The following CSMD1 variants were observed in gnomAD, a reference collection of about 807,000 sequenced individuals.
CSMD1 encodes the protein CUB and Sushi multiple domains 1.
A neutral mutation model predicts 417.5 loss-of-function variants in CSMD1; 213 were observed. The observed-to-expected ratio is 0.51, with a 90% CI of 0.46 to 0.57. CSMD1 has a LOEUF of 0.57. Ranked by LOEUF, CSMD1 falls within the 20% of genes least tolerant of loss-of-function variation. The pLI is 0.00. For missense variants in CSMD1, 6,923 were observed against 4,529.7 expected (o/e 1.53, Z -15.17); for synonymous variants, 2,862 against 1,736.8 (o/e 1.65, Z -16.11).
At chr8:4,045,479 C>A (rs1011246155) in intron 3 of CSMD1, among the ~76,000 whole-genome samples, 2 of 152,200 alleles carry the variant, frequency 1.3e-5, no homozygotes, top group Non-Finnish European at 1.5e-5. Flanking sequence ...GGGGTCAGAA[C>A]ACTGTCCCCA....
intron 2 of CSMD1, among the ~76,000 whole-genome samples, chr8:4,589,038 C>T (rs977067043): frequency 6.6e-6 from 1 of 151,932 alleles, no homozygotes; most frequent in African/African-American, 2.4e-5. Flanking sequence ...ACTACATGCA[C>T]ATTATATAAT....
At chr8:3,455,313 A>G (rs1185345282) in intron 12 of CSMD1, among the ~76,000 whole-genome samples, 2 of 152,086 alleles carry the variant, frequency 1.3e-5, no homozygotes, top group Non-Finnish European at 2.9e-5. Flanking sequence ...CTCTCAACTC[A>G]TCAAAGTCAT....
chr8:4,279,031 C>G (rs1237071385), intron 3 of CSMD1, among the ~76,000 whole-genome samples: 1 of 152,126 alleles, frequency 6.6e-6, no homozygotes, highest in East Asian at 1.9e-4. Context: ...GAGCTATGGA[C>G]ACATTACTTT....
At position 3,230,195 on chromosome 8, in the gene CSMD1, G is replaced by C; in HGVS notation, c.4190C>G (p.Pro1397Arg). 1 of 1,609,346 alleles carries C rather than the reference G, an allele frequency of 6.2e-7. No individual in the cohort carries two copies. Among genetic ancestry groups the C allele is most frequent in the Non-Finnish European group, 8.5e-7 (1 of 1,177,604 alleles). ...IAATCNDPGM[P>R]QNGTRYGDSR... ...GTCTCCATAGCGGGTGCCATTTTGG[G>C]GCATACCTGGATCGTTACAGGTGGC... Residue 1397 changes from proline to arginine, a missense_variant, in exon 27 of 70, where the codon CCC becomes CGC. Transcript: ENST00000635120.
At chr8:3,614,976 G>A (rs1034082642) in intron 8 of CSMD1, among the ~76,000 whole-genome samples, 4 of 152,172 alleles carry the variant, frequency 2.6e-5, no homozygotes, top group Non-Finnish European at 5.9e-5. Flanking sequence ...GTTGACACAA[G>A]GAAGGAATAC....
chr8:3,436,036 A>C (rs1277533570), intron 12 of CSMD1, among the ~76,000 whole-genome samples: 1 of 151,668 alleles, frequency 6.6e-6, no homozygotes, highest in Non-Finnish European at 1.5e-5. Flanking sequence ...GCAGCTCCCC[A>C]CTCCCTTCAC....
intron 2 of CSMD1, among the ~76,000 whole-genome samples, chr8:4,469,134 G>A (rs55876256): frequency 2.0e-3 from 300 of 152,242 alleles, no homozygotes; most frequent in Admixed American, 3.2e-3. Context: ...TCTTTTGGTA[G>A]GAAAATGGAA....
intron 61 of CSMD1, among the ~76,000 whole-genome samples, chr8:2,961,942 T>A (rs1471963554): frequency 1.3e-5 from 2 of 152,252 alleles, no homozygotes; most frequent in Non-Finnish European, 2.9e-5. Flanking sequence ...AATATTTCTT[T>A]AATACTATAT....
At chr8:4,455,060 C>G (rs75806902) in intron 2 of CSMD1, among the ~76,000 whole-genome samples, 16,915 of 152,096 alleles carry the variant, frequency 0.11, 1,187 homozygotes, top group South Asian at 0.21. Flanking sequence ...CATGTTTAGG[C>G]TGGGAAACTT....
chr8:4,083,268 C>A (rs961102006), intron 3 of CSMD1, among the ~76,000 whole-genome samples: 1 of 152,180 alleles, frequency 6.6e-6, no homozygotes, highest in Non-Finnish European at 1.5e-5. Context: ...ACAACCTCTC[C>A]AGCACCTGTC....
chr8:3,390,619 A>G (rs1033276333), intron 17 of CSMD1, among the ~76,000 whole-genome samples: 1 of 151,984 alleles, frequency 6.6e-6, no homozygotes, highest in African/African-American at 2.4e-5. Flanking sequence ...ACCTTAAAGC[A>G]ACAATGAATT....
intron 3 of CSMD1, among the ~76,000 whole-genome samples, chr8:4,375,474 T>C (rs1266614983): frequency 1.3e-5 from 2 of 152,170 alleles, no homozygotes; most frequent in African/African-American, 4.8e-5. Flanking sequence ...AGTTTTACAG[T>C]CCATCTTATG....
At chr8:3,451,189 G>C (rs1815689346) in intron 12 of CSMD1, among the ~76,000 whole-genome samples, 1 of 152,102 alleles carries the variant, frequency 6.6e-6, no homozygotes, top group Admixed American at 6.5e-5. Flanking sequence ...AAATTTGTTT[G>C]AGTTCATTGT....
chr8:4,893,927 T>A (rs1444338810), intron 1 of CSMD1, among the ~76,000 whole-genome samples: 1 of 152,068 alleles, frequency 6.6e-6, no homozygotes, highest in East Asian at 1.9e-4. Flanking sequence ...TTTCGCAAAA[T>A]GTTGGTTTAA....
chr8:4,441,960 GC>G (rs1441055261), intron 2 of CSMD1, among the ~76,000 whole-genome samples: 1 of 152,116 alleles, frequency 6.6e-6, no homozygotes, highest in African/African-American at 2.4e-5. Context: ...AAACTCAGGG[GC>G]CAAATGTTCC....
intron 3 of CSMD1, among the ~76,000 whole-genome samples, chr8:4,151,097 C>A (rs1265704338): frequency 1.3e-5 from 2 of 152,132 alleles, no homozygotes. Flanking sequence ...CAACTTGCAT[C>A]CTTCTCCCAG....
chr8:3,780,720 G>C (rs953410052), intron 5 of CSMD1, among the ~76,000 whole-genome samples: 1 of 152,208 alleles, frequency 6.6e-6, no homozygotes, highest in Admixed American at 6.5e-5. Flanking sequence ...GAAATGCACA[G>C]ATGCTTTCCA....
chr8:3,106,469 A>G, intron 46 of CSMD1, 59 bp downstream of exon 46: 1 of 1,046,330 alleles, frequency 9.6e-7, no homozygotes, highest in Non-Finnish European at 1.5e-6. Flanking sequence ...ACCAATACAA[A>G]CAATACAATT....
intron 2 of CSMD1, among the ~76,000 whole-genome samples, chr8:4,631,291 G>A (rs868613258): frequency 1.3e-5 from 2 of 152,260 alleles, no homozygotes; most frequent in South Asian, 2.1e-4. Context: ...GAACCTGGGA[G>A]GCAGAGGTTG....
Sources: gnomAD v4.1 joint callset for allele counts (sites outside exome capture counted in the v4.1 genomes callset) on GRCh38, gnomAD v4.1.1 for gene constraint, MANE v1.5 for transcripts, NCBI Gene and HGNC (gene_info 2026-07-23, HGNC 2026-07-21) for gene names.